The following TIAL1 variants were observed in gnomAD, a reference collection of about 807,000 sequenced individuals.
The protein encoded by TIAL1 is TIA1 cytotoxic granule associated RNA binding protein like 1, also known as nucleolysin TIAR.
A neutral mutation model predicts 59.7 loss-of-function variants in TIAL1; 7 were observed. That is an observed-to-expected ratio of 0.12 (90% CI 0.07 to 0.22). The LOEUF (loss-of-function observed/expected upper bound fraction) is 0.22, where lower values mean the gene tolerates loss of function less well. TIAL1 is among the 10% of genes least tolerant of loss of function. The pLI is 1.00. For missense variants in TIAL1, 225 were observed against 462.5 expected (o/e 0.49, Z 4.71); for synonymous variants, 149 against 146.3 (o/e 1.02, Z -0.13).
intron 2 of TIAL1, among the ~76,000 whole-genome samples, chr10:119,583,058 T>C (rs1414248950): frequency 6.6e-6 from 1 of 152,192 alleles, no homozygotes; most frequent in Non-Finnish European, 1.5e-5. Context: ...TGGAATTCTA[T>C]GCTGCTACAA....
At chr10:119,576,914 AG>A in intron 10 of TIAL1, 164 bp from the exon 11 acceptor site, 1 of 1,328,718 alleles carries the variant, frequency 7.5e-7, no homozygotes, top group Non-Finnish European at 1.0e-6. Flanking sequence ...ACCTGTGAAA[AG>A]AAAGTATTAA....
intron 1 of TIAL1, 58 bp downstream of exon 1, chr10:119,596,376 A>C (rs1589893654): frequency 6.2e-7 from 1 of 1,600,878 alleles, no homozygotes; most frequent in East Asian, 2.2e-5. Context: ...TCCCTCCCTT[A>C]GCGTCCCGCG....
intron 2 of TIAL1, among the ~76,000 whole-genome samples, chr10:119,584,876 G>C (rs1383044042): frequency 6.6e-6 from 1 of 151,984 alleles, no homozygotes; most frequent in African/African-American, 2.4e-5. Context: ...GGAGGGCGAG[G>C]TGGGCGGTTC....
chr10:119,582,435 G>A lies in TIAL1; in HGVS notation c.228+24C>T, dbSNP rs373553798. ...GACATGCAAATATATGTACTCATAA[G>A]GTGCCATCATCCTATTATCTTACCT... On this transcript the variant is annotated intron_variant, in intron 3 of 11. Transcript: ENST00000436547. The surrounding 1 kb of genome is among the most constrained non-coding windows in gnomAD (Gnocchi z 5.1). 10 of 1,570,942 alleles carry A rather than the reference G, an allele frequency of 6.4e-6. No homozygotes were observed. Among genetic ancestry groups the A allele is most frequent in the Non-Finnish European group, 8.6e-6 (10 of 1,164,224 alleles).
At chr10:119,585,451 TA>T (rs11338069) in intron 2 of TIAL1, among the ~76,000 whole-genome samples, 19,380 of 138,254 alleles carry the variant, frequency 0.14, 1,315 homozygotes, top group South Asian at 0.22. Flanking sequence ...CCCTGTCTCT[TA>T]AAAAAAAAAA....
chr10:119,590,555 C>T (rs1845797851), intron 1 of TIAL1, among the ~76,000 whole-genome samples: 2 of 151,814 alleles, frequency 1.3e-5, no homozygotes, highest in African/African-American at 2.4e-5. Flanking sequence ...ACAAAAAATA[C>T]AAAAATTAGC....
chr10:119,589,308 C>T (rs909085752), intron 1 of TIAL1, among the ~76,000 whole-genome samples: 2 of 152,162 alleles, frequency 1.3e-5, no homozygotes, highest in Non-Finnish European at 2.9e-5. Context: ...CAGGTTCAAG[C>T]GATTCTCCTG....
intron 1 of TIAL1, among the ~76,000 whole-genome samples, chr10:119,590,328 G>A (rs1845785619): frequency 6.6e-6 from 1 of 152,222 alleles, no homozygotes; most frequent in African/African-American, 2.4e-5. Flanking sequence ...CCAGCGATAG[G>A]CTGCTTGCCC....
chr10:119,589,153 G>C (rs1175365993), intron 1 of TIAL1, among the ~76,000 whole-genome samples: 2 of 152,152 alleles, frequency 1.3e-5, no homozygotes, highest in African/African-American at 4.8e-5. Flanking sequence ...CATTTTAGGA[G>C]AGCAGGGTAA....
intron 2 of TIAL1, among the ~76,000 whole-genome samples, chr10:119,585,429 G>A (rs1845520732): frequency 6.6e-6 from 1 of 150,794 alleles, no homozygotes; most frequent in African/African-American, 2.4e-5. Flanking sequence ...CAGCCTGGAG[G>A]ACAGAGTCAG....
rs373842037 is a variant in TIAL1, at chr10:119,596,477, C to T, written c.-12G>A. 4.6e-5 allele frequency: 60 copies of T among 1,311,024 alleles called. No individual in the cohort carries two copies. The highest frequency in any genetic ancestry group is 5.6e-5 in the Non-Finnish European group (56 of 1,001,490). 81.2% of individuals were successfully genotyped at this position (1,311,024 alleles called of 1,614,324 possible). On this transcript the variant is annotated 5_prime_UTR_variant, in exon 1 of 12. Coordinates refer to ENST00000436547, the MANE Select transcript of TIAL1 (RefSeq NM_003252.4). The stretch of plus-strand genomic sequence containing the variant: ...TCGTCTTCCATCATGGTGGGTGCGA[C>T]GGAGCGATCCCGGGACAAGGGGGAG...
rs77497929 is a variant in TIAL1, at chr10:119,582,374, C to T, written c.228+85G>A. ...CCATCACTCAGCAGCCGAATATCTG[C>T]TCAAAAATTTGCCTAGAAAGAATAC... On this transcript the variant is annotated intron_variant, in intron 3 of 11. Transcript: ENST00000436547. The surrounding 1 kb of genome is among the most constrained non-coding windows in gnomAD (Gnocchi z 5.1). The T allele has an allele frequency of 3.3e-3, 4,987 of 1,505,894 alleles. 102 individuals carry two copies. In the African/African-American group the frequency reaches 0.046, roughly 14 times the overall value. The allele number at this position is 1,505,894 out of a possible 1,614,324, so 93.3% of individuals were successfully genotyped here.
At chr10:119,580,641 A>G (rs1845258025) in intron 5 of TIAL1, 5 of 993,966 alleles carry the variant, frequency 5.0e-6, no homozygotes, top group Non-Finnish European at 6.0e-6. Flanking sequence ...AAATTTACAC[A>G]GAAATTTTAG....
At chr10:119,579,615 T>A (rs1311116472) in intron 6 of TIAL1, among the ~76,000 whole-genome samples, 1 of 152,234 alleles carries the variant, frequency 6.6e-6, no homozygotes, top group Non-Finnish European at 1.5e-5. Flanking sequence ...GAATATAATT[T>A]ACCTAACCTC....
rs1227204439 is a variant in TIAL1, at chr10:119,595,316, G to C, written c.32+1118C>G. Reference sequence around the variant, plus strand: ...GACTATGATCCTATCAATACCAGGAGAGGCAAGAGAAACAAAGCAGCGATC... The same window carrying C: ...GACTATGATCCTATCAATACCAGGACAGGCAAGAGAAACAAAGCAGCGATC... On this transcript the variant is annotated intron_variant, in intron 1 of 11. Coordinates refer to ENST00000436547, the MANE Select transcript of TIAL1 (RefSeq NM_003252.4). Among the ~76,000 whole-genome samples, 5 of 152,096 alleles carry C rather than the reference G, an allele frequency of 3.3e-5. No homozygotes were observed. In the East Asian group the frequency reaches 9.7e-4, roughly 29 times the overall value.
chr10:119,581,625 G>A, intron 5 of TIAL1: 1 of 229,226 alleles, frequency 4.4e-6, no homozygotes, highest in South Asian at 9.6e-5. Flanking sequence ...CAAAAAGCTA[G>A]ACTTTATAAG....
intron 1 of TIAL1, among the ~76,000 whole-genome samples, chr10:119,595,886 G>C (rs752154182): frequency 1.3e-5 from 2 of 152,186 alleles, no homozygotes; most frequent in Admixed American, 6.5e-5. Flanking sequence ...GGGCACGTGG[G>C]GCATAAAGAG....
At chr10:119,588,464 C>A (rs60155751) in intron 1 of TIAL1, 6,047 of 307,222 alleles carry the variant, frequency 0.02, 247 homozygotes, top group East Asian at 0.11. Context: ...CTGTCTCAGC[C>A]TCCCAAGTAG....
chr10:119,576,985 T>C, intron 10 of TIAL1, 95 bp downstream of exon 10: 4 of 1,482,856 alleles, frequency 2.7e-6, no homozygotes, highest in Non-Finnish European at 3.6e-6. Context: ...AGTAGCTATA[T>C]GCTTTATTTT....
Sources: allele counts gnomAD v4.1 joint callset (sites outside exome capture counted in the v4.1 genomes callset), GRCh38; gene constraint gnomAD v4.1.1; non-coding constraint Gnocchi (gnomAD v3.1); transcripts MANE v1.5; gene names NCBI Gene and HGNC (gene_info 2026-07-23, HGNC 2026-07-21).